SLC35F4: variants seen among roughly 807,000 people sequenced by gnomAD.
SLC35F4 encodes the protein chromosome 14 open reading frame 36.
Under a neutral mutation model 44.2 loss-of-function variants are expected in SLC35F4, and 24 were observed. That is an observed-to-expected ratio of 0.54 (90% CI 0.39 to 0.76). The LOEUF is 0.76. Among genes scored for constraint, SLC35F4 ranks in the 30% least tolerant of loss-of-function variants. The pLI is 0.00. For missense variants in SLC35F4, 562 were observed against 586.1 expected (o/e 0.96, Z 0.42); for synonymous variants, 238 against 223.6 (o/e 1.06, Z -0.57).
intron 4 of SLC35F4, among the ~76,000 whole-genome samples, chr14:57,576,173 T>C (rs1363459005): frequency 6.6e-6 from 1 of 152,144 alleles, no homozygotes; most frequent in Non-Finnish European, 1.5e-5. Context: ...GTCCAAGGCA[T>C]TGGATGAACC....
chr14:57,615,105 T>C (rs1236732742), intron 1 of SLC35F4, among the ~76,000 whole-genome samples: 1 of 152,218 alleles, frequency 6.6e-6, no homozygotes, highest in African/African-American at 2.4e-5. Context: ...GGGCTGTCTT[T>C]CCAGCTAAGT....
At chr14:57,702,841 C>T (rs1033955835) in intron 1 of SLC35F4, among the ~76,000 whole-genome samples, 6 of 152,116 alleles carry the variant, frequency 3.9e-5, no homozygotes, top group African/African-American at 1.4e-4. Context: ...TAAGGAGATG[C>T]TAATCTTCTG....
In SLC35F4 at chr14:57,963,231, G is replaced by A. The variant is rs572213725; in HGVS notation, n.282+18682C>T. 2.6e-5 allele frequency among the ~76,000 whole-genome samples: 4 copies of A among 152,326 alleles called. No homozygotes were observed. The East Asian group carries it at 7.7e-4, about 29-fold the overall frequency. ...CAACCCTTCTATGGGAATGGTGGCT[G>A]CTGGACAAGGGAGCCAGTCCAGCCT... On this transcript the variant is annotated intron_variant and non_coding_transcript_variant, in intron 1 of 1. Transcript: ENST00000556568.
intron 1 of SLC35F4, among the ~76,000 whole-genome samples, chr14:57,699,208 C>T (rs2075466479): frequency 6.6e-6 from 1 of 152,052 alleles, no homozygotes; most frequent in Non-Finnish European, 1.5e-5. Flanking sequence ...GACTATTTAG[C>T]TCTCTGATTT....
intron 4 of SLC35F4, chr14:57,578,632 A>G (rs1479573811): frequency 6.6e-6 from 1 of 152,158 alleles, no homozygotes; most frequent in African/African-American, 2.4e-5. Flanking sequence ...CTTCCGGAAC[A>G]TCGCATTGAA....
chr14:57,600,688 T>C (rs2070765916), intron 1 of SLC35F4, among the ~76,000 whole-genome samples: 1 of 22,516 alleles, frequency 4.4e-5, no homozygotes, highest in African/African-American at 1.5e-4. Context: ...CAAGACTCCA[T>C]CTCAAAAAAA....
chr14:57,678,628 G>A (rs1013691531), intron 1 of SLC35F4, among the ~76,000 whole-genome samples: 10 of 151,656 alleles, frequency 6.6e-5, no homozygotes, highest in South Asian at 6.2e-4. Flanking sequence ...GAGACCCATC[G>A]CAAGTGCAAA....
intron 1 of SLC35F4, among the ~76,000 whole-genome samples, chr14:57,782,878 C>T (rs1393530713): frequency 6.6e-6 from 1 of 152,030 alleles, no homozygotes; most frequent in Non-Finnish European, 1.5e-5. Context: ...CATGACATTA[C>T]AAAAATAAAG....
chr14:57,789,787 C>T (rs1303254010), intron 1 of SLC35F4, among the ~76,000 whole-genome samples: 1 of 152,188 alleles, frequency 6.6e-6, no homozygotes, highest in East Asian at 1.9e-4. Flanking sequence ...CATCAAAAAG[C>T]TTATCCACCA....
intron 1 of SLC35F4, among the ~76,000 whole-genome samples, chr14:57,833,735 T>C (rs1311678288): frequency 2.0e-5 from 3 of 152,234 alleles, no homozygotes; most frequent in African/African-American, 7.2e-5. Flanking sequence ...TTTGGATAAA[T>C]GCTAAATTTG....
intron 1 of SLC35F4, among the ~76,000 whole-genome samples, chr14:57,798,670 T>C (rs1050517549): frequency 6.6e-6 from 1 of 152,202 alleles, no homozygotes; most frequent in Non-Finnish European, 1.5e-5. Context: ...CAGAGGCTAC[T>C]AAATCTGAAC....
chr14:57,915,685 T>C (rs1362987707), intron 1 of SLC35F4, among the ~76,000 whole-genome samples: 2 of 152,246 alleles, frequency 1.3e-5, no homozygotes, highest in African/African-American at 4.8e-5. Flanking sequence ...GGATGGCCTT[T>C]ACTTGAGTGT....
At chr14:57,704,780 A>G (rs1173504645) in intron 1 of SLC35F4, among the ~76,000 whole-genome samples, 5 of 152,172 alleles carry the variant, frequency 3.3e-5, no homozygotes, top group African/African-American at 4.8e-5. Flanking sequence ...AAGTCAACCA[A>G]AATGTCTCAT....
At chr14:57,587,870 C>A (rs1297204551) in intron 3 of SLC35F4, among the ~76,000 whole-genome samples, 18 of 124,996 alleles carry the variant, frequency 1.4e-4, no homozygotes, top group African/African-American at 2.4e-4. Context: ...ATGCACCTTC[C>A]AAAAAAAAAA....
In SLC35F4 at chr14:57,970,290, T is replaced by A. The variant is rs962678447; in HGVS notation, n.282+11623A>T. ...AGAGGAAATGTAAATAAAAATGAAG[T>A]GAGATTGATGAGTAAATACTTTCAC... On this transcript the variant is annotated intron_variant and non_coding_transcript_variant, in intron 1 of 1. Transcript: ENST00000556568. Among the ~76,000 whole-genome samples the A allele has an allele frequency of 2.6e-5, 4 of 152,162 alleles. No individual in the cohort carries two copies. The South Asian group carries it at 8.3e-4, about 32-fold the overall frequency.
chr14:57,716,847 C>A (rs1038668896), intron 1 of SLC35F4, among the ~76,000 whole-genome samples: 8 of 152,146 alleles, frequency 5.3e-5, no homozygotes, highest in African/African-American at 1.7e-4. Context: ...GCTAAAATTT[C>A]TTTCTGTTAA....
At chr14:57,587,915 C>G (rs1390112357) in intron 3 of SLC35F4, among the ~76,000 whole-genome samples, 1 of 148,374 alleles carries the variant, frequency 6.7e-6, no homozygotes, top group African/African-American at 2.5e-5. Flanking sequence ...GCCAGGCACG[C>G]TGGCTCACGC....
intron 1 of SLC35F4, among the ~76,000 whole-genome samples, chr14:57,628,849 TAAA>T (rs2140120977): frequency 6.6e-6 from 1 of 152,266 alleles, no homozygotes; most frequent in South Asian, 2.1e-4. Flanking sequence ...AAAATTTCCC[TAAA>T]GTGATTTTCA....
intron 1 of SLC35F4, among the ~76,000 whole-genome samples, chr14:57,598,152 C>T (rs574565096): frequency 6.6e-5 from 10 of 152,288 alleles, no homozygotes; most frequent in South Asian, 2.1e-4. Flanking sequence ...CTCCATCTCT[C>T]GCTGCTGGGT....
Sources: allele counts gnomAD v4.1 joint callset (sites outside exome capture counted in the v4.1 genomes callset), GRCh38; gene constraint gnomAD v4.1.1; transcripts MANE v1.5; gene names NCBI Gene and HGNC (gene_info 2026-07-23, HGNC 2026-07-21).